Variants in DPP7 observed in about 807,000 individuals in gnomAD.
The protein encoded by DPP7 is dipeptidyl peptidase 7, also known as dipeptidyl peptidase 2.
A neutral mutation model predicts 58.8 loss-of-function variants in DPP7; 74 were observed. That is an observed-to-expected ratio of 1.26 (90% confidence interval 1.04 to 1.53). The LOEUF is 1.53. Among genes scored for constraint, DPP7 ranks in the 40% most tolerant of loss-of-function variants. The pLI, the probability that DPP7 is intolerant of heterozygous loss-of-function variation, is 0.00. For missense variants in DPP7, 807 were observed against 692.3 expected (o/e 1.17, Z -1.86); for synonymous variants, 350 against 303.6 (o/e 1.15, Z -1.59).
At chr9:137,117,781 C>T (rs917927513), upstream of DPP7, among the ~76,000 whole-genome samples, 12 of 152,176 alleles carry the variant, frequency 7.9e-5, no homozygotes, top group Non-Finnish European at 1.5e-4. Flanking sequence ...TAACCACTTC[C>T]GCGTGTGAAA....
chr9:137,116,019 G>A (rs755229327), upstream of DPP7, among the ~76,000 whole-genome samples: 5 of 152,174 alleles, frequency 3.3e-5, no homozygotes, highest in South Asian at 2.1e-4. Flanking sequence ...ACCCAGGACC[G>A]CAGCTCTGGA....
chr9:137,116,022 G>C (rs1028223543), upstream of DPP7, among the ~76,000 whole-genome samples: 29 of 152,200 alleles, frequency 1.9e-4, no homozygotes, highest in Non-Finnish European at 2.5e-4. Flanking sequence ...CAGGACCGCA[G>C]CTCTGGAGAC....
In DPP7 at chr9:137,113,358, C is replaced by A. The variant is rs1831471794; in HGVS notation, c.621+3G>T. On this transcript the variant is annotated splice_donor_region_variant and intron_variant, in intron 5 of 12. Transcript: ENST00000371579. ...GGCCTGGAGGACCCCAAGCCTCACT[C>A]ACCGCCGTGACGTCCCGGAAGAACT... is the stretch of plus-strand genomic sequence containing the variant. The A allele has an allele frequency of 1.9e-6, 3 of 1,611,924 alleles. No homozygotes were observed. The highest frequency in any genetic ancestry group is 1.3e-5 in the African/African-American group (1 of 75,014).
At chr9:137,114,105 C>G in intron 3 of DPP7, 77 bp from the exon 4 acceptor site, 1 of 622,952 alleles carries the variant, frequency 1.6e-6, no homozygotes, top group Non-Finnish European at 2.1e-6. Flanking sequence ...CGCCCGCGAC[C>G]CCGCCCGGCA....
Position 137,113,321 on chromosome 9 carries a change from T to C in DPP7, c.622-34A>G, listed in dbSNP as rs761105033. The C allele has an allele frequency of 2.5e-6, 4 of 1,613,136 alleles. No homozygotes were observed. In the South Asian group the frequency reaches 4.4e-5, roughly 18 times the overall value. ...AAGAGACCGTGCTGACTGCAGCTGC[T>C]GTCCCTTAGGGGGCCTGGAGGACCC... On this transcript the variant is annotated intron_variant, in intron 5 of 12. Coordinates refer to ENST00000371579, the MANE Select transcript of DPP7 (RefSeq NM_013379.3).
At chr9:137,117,724 C>T (rs771733292), upstream of DPP7, among the ~76,000 whole-genome samples, 2 of 152,172 alleles carry the variant, frequency 1.3e-5, no homozygotes, top group African/African-American at 2.4e-5. Context: ...CACTTGGGGC[C>T]GTGCTGGTCT....
upstream of DPP7, among the ~76,000 whole-genome samples, chr9:137,115,970 C>T (rs1480101220): frequency 1.3e-5 from 2 of 152,172 alleles, no homozygotes; most frequent in Non-Finnish European, 2.9e-5. Context: ...TTGGCTCCCT[C>T]GGGTGCCTTA....
rs760761875 is a variant in DPP7, at chr9:137,113,850, G to C, written c.485+15C>G. The stretch of plus-strand genomic sequence containing the variant: ...AGGGGAGGGAGGGGGTGCGGAGGCC[G>C]GGGGAGGCGCCCACCTTCCACCGAA... On this transcript the variant is annotated intron_variant, in intron 4 of 12. Transcript: ENST00000371579. 17 of 1,492,710 alleles carry C rather than the reference G, an allele frequency of 1.1e-5. No homozygotes were observed. The South Asian group carries it at 1.6e-4, about 14-fold the overall frequency. The allele number at this position is 1,492,710 out of a possible 1,614,324, so 92.5% of individuals were successfully genotyped here.
At position 137,113,198 on chromosome 9, in the gene DPP7, G is replaced by C; in HGVS notation, c.703+8C>G. 1 of 1,613,574 alleles carries C rather than the reference G, an allele frequency of 6.2e-7. No homozygotes were observed. Among genetic ancestry groups the C allele is most frequent in the South Asian group, 1.1e-5 (1 of 91,080 alleles). ...GTCAGGCAGTGGGAGGCGGTGGGAGGACCTCACCTCCCTGTAGGAACAAGT... is the reference window on the plus strand; with the variant it reads ...GTCAGGCAGTGGGAGGCGGTGGGAGCACCTCACCTCCCTGTAGGAACAAGT... On this transcript the variant is annotated splice_region_variant and intron_variant, in intron 6 of 12. Transcript: ENST00000371579.
At chr9:137,111,056 C>CAACCAGAGAGAA in intron 11 of DPP7, 106 bp from the exon 12 acceptor site, 1 of 1,124,654 alleles carries the variant, frequency 8.9e-7, no homozygotes, top group Non-Finnish European at 1.3e-6. Context: ...AGACTCAGTG[C>CAACCAGAGAGAA]CCATCAAGCA....
intron 4 of DPP7, 159 bp from the exon 5 acceptor site, chr9:137,113,655 C>G: frequency 7.0e-7 from 1 of 1,426,804 alleles, no homozygotes; most frequent in South Asian, 1.5e-5. Context: ...TGGGAAAGGC[C>G]GCTAGTGTGG....
At chr9:137,117,322 A>G (rs1448303123), upstream of DPP7, among the ~76,000 whole-genome samples, 1 of 152,226 alleles carries the variant, frequency 6.6e-6, no homozygotes, top group African/African-American at 2.4e-5. Context: ...TGTGCAGGGC[A>G]CAGTAGGTCA....
At chr9:137,118,048 C>T (rs1012589467), upstream of DPP7, among the ~76,000 whole-genome samples, 2 of 151,810 alleles carry the variant, frequency 1.3e-5, no homozygotes, top group Non-Finnish European at 2.9e-5. Context: ...AGTGAAGTGA[C>T]ACGATCTCGG....
chr9:137,116,391 T>C (rs1243282334), upstream of DPP7, among the ~76,000 whole-genome samples: 1 of 152,250 alleles, frequency 6.6e-6, no homozygotes, highest in Non-Finnish European at 1.5e-5. Context: ...GCCCCATCCC[T>C]GTGCCCACAG....
chr9:137,111,075 G>A lies in DPP7; in HGVS notation c.1273-125C>T. 5 of 940,044 alleles carry A rather than the reference G, an allele frequency of 5.3e-6. No homozygotes were observed. In the South Asian group the frequency reaches 7.3e-5, roughly 14 times the overall value. 58.2% of individuals were successfully genotyped at this position (940,044 alleles called of 1,614,324 possible). On this transcript the variant is annotated intron_variant, in intron 11 of 12. Transcript: ENST00000371579. ...TCAGTGCCCATCAAGCAACCAGAGA[G>A]AACCAGCCAGAGACGGAGGTGGGAA...
At chr9:137,114,060 C>A in intron 3 of DPP7, 32 bp from the exon 4 acceptor site, 1 of 1,272,326 alleles carries the variant, frequency 7.9e-7, no homozygotes. Context: ...CCCGGCCCCG[C>A]GACCCCGCCC....
At chr9:137,114,779 C>A (rs1272230617), upstream of DPP7, 7 of 1,169,912 alleles carry the variant, frequency 6.0e-6, no homozygotes, top group Non-Finnish European at 7.5e-6. Flanking sequence ...GCTCCTCCCT[C>A]CAGGCCCCAC....
Position 137,112,958 on chromosome 9 carries a change from C to T in DPP7, c.865G>A (p.Val289Ile), listed in dbSNP as rs371140971. 1.9e-5 allele frequency: 31 copies of T among 1,613,316 alleles called. No homozygotes were observed. The highest frequency in any genetic ancestry group is 1.6e-4 in the Middle Eastern group (1 of 6,062). Residue 289 changes from valine (V) to isoleucine (I), a missense_variant, in exon 7 of 13, where the codon GTC becomes ATC. By Grantham distance (29) the Val-to-Ile change is conservative. This residue lies in a region of DPP7 where 624 missense variants were observed against 531.2 expected (regional missense o/e 1.17). Transcript: ENST00000371579. Reference sequence around the variant, plus strand: ...CCTGGGAGGCGGCGCCTCACCTTGACGGGGTTGGCAGGGAGGGGACCCAGG... The same window carrying T: ...CCTGGGAGGCGGCGCCTCACCTTGATGGGGTTGGCAGGGAGGGGACCCAGG... ...DFLGPLPANP[V>I]KVGCDRLLSE...
In DPP7 at chr9:137,113,010, C is replaced by G; in HGVS notation, c.813G>C (p.Met271Ile). The change falls in exon 7 of 13, where the codon ATG becomes ATC. Residue 271 changes from methionine (M) to isoleucine (I), a missense_variant. Coordinates refer to ENST00000371579, the MANE Select transcript of DPP7 (RefSeq NM_013379.3). ...FARNAFTVLAMMDYPYPTDFL... is the reference protein window; with the variant it reads ...FARNAFTVLAIMDYPYPTDFL... ...AGTCAGTGGGGTAGGGGTAGTCCAT[C>G]ATGGCCAGCACGGTGAAGGCATTCC... 1 of 1,613,770 alleles carries G rather than the reference C, an allele frequency of 6.2e-7. No homozygotes were observed.
Sources: allele counts gnomAD v4.1 joint callset (sites outside exome capture counted in the v4.1 genomes callset), GRCh38; gene constraint gnomAD v4.1.1; regional missense constraint gnomAD v4.1.1; transcripts MANE v1.5; gene names NCBI Gene and HGNC (gene_info 2026-07-23, HGNC 2026-07-21).